The following RELCH variants were observed in gnomAD, a reference collection of about 807,000 sequenced individuals.
The protein encoded by RELCH is RAB11-binding protein RELCH.
A neutral mutation model predicts 150.3 loss-of-function variants in RELCH; 41 were observed. That is an observed-to-expected ratio of 0.27 (90% CI 0.21 to 0.35). The LOEUF (loss-of-function observed/expected upper bound fraction) is 0.35, where lower values mean the gene tolerates loss of function less well. Ranked by LOEUF, RELCH falls within the 10% of genes least tolerant of loss-of-function variation. RELCH has a pLI of 1.00. For synonymous variants in RELCH, 478 were observed against 531.8 expected (o/e 0.90, Z 1.39); for missense variants, 1,092 against 1,467.8 (o/e 0.74, Z 4.18).
chr18:62,275,362 T>C lies in RELCH; in HGVS notation c.2868-12T>C, dbSNP rs1176340336. On this transcript the variant is annotated splice_polypyrimidine_tract_variant and intron_variant, in intron 21 of 28. Coordinates refer to ENST00000644646, the MANE Select transcript of RELCH (RefSeq NM_001346231.2). The stretch of plus-strand genomic sequence containing the variant: ...TCTCAATTTTAACACTGTTTTTTTT[T>C]TTTTCTTCTAGTGCAAACCCAGCCT... 6.7e-7 allele frequency: 1 copy of C among 1,493,080 alleles called. No homozygotes were observed. The highest frequency in any genetic ancestry group is 2.3e-5 in the Admixed American group (1 of 43,250). The allele number at this position is 1,493,080 out of a possible 1,614,324, so 92.5% of individuals were successfully genotyped here. A position where few individuals can be genotyped will look rare whatever the true frequency, so the allele number is the denominator to read the frequency against.
intron 2 of RELCH, 106 bp downstream of exon 2, chr18:62,211,348 T>C: frequency 1.7e-6 from 1 of 595,856 alleles, no homozygotes; most frequent in Non-Finnish European, 2.9e-6. Flanking sequence ...GACTATAACA[T>C]ATATAGTTAT....
chr18:62,189,675 T>A (rs1267580173), intron 1 of RELCH, among the ~76,000 whole-genome samples: 5 of 152,246 alleles, frequency 3.3e-5, no homozygotes, highest in African/African-American at 1.2e-4. Flanking sequence ...TTTCACCCTG[T>A]CTTATTAGGG....
At chr18:62,299,389 C>T (rs772857090) in intron 28 of RELCH, among the ~76,000 whole-genome samples, 7 of 152,226 alleles carry the variant, frequency 4.6e-5, no homozygotes, top group Admixed American at 1.3e-4. Flanking sequence ...ATGAGCTGTA[C>T]GTACTCTTAC....
At chr18:62,265,408 T>C (rs914418570) in intron 18 of RELCH, among the ~76,000 whole-genome samples, 13 of 152,052 alleles carry the variant, frequency 8.5e-5, no homozygotes, top group Non-Finnish European at 1.5e-4. Context: ...AATATTAACA[T>C]TGGAATGTCA....
intron 28 of RELCH, chr18:62,300,160 C>A (rs1032989639): frequency 6.6e-6 from 1 of 152,214 alleles, no homozygotes; most frequent in Non-Finnish European, 1.5e-5. Flanking sequence ...GAGTTTCCCA[C>A]AGTCTGAATT....
intron 15 of RELCH, among the ~76,000 whole-genome samples, chr18:62,261,281 A>C (rs566996309): frequency 4.2e-4 from 64 of 152,136 alleles, no homozygotes; most frequent in Non-Finnish European, 8.2e-4. Flanking sequence ...TCTAATGAAA[A>C]AGTAAAATTA....
At chr18:62,298,891 A>G in intron 28 of RELCH, 31 bp downstream of exon 28, 1 of 1,215,704 alleles carries the variant, frequency 8.2e-7, no homozygotes. Context: ...TTAAGGCTAC[A>G]TGTTAACTTT....
At chr18:62,227,019 C>G (rs2041255199) in intron 5 of RELCH, among the ~76,000 whole-genome samples, 3 of 151,784 alleles carry the variant, frequency 2.0e-5, no homozygotes, top group African/African-American at 7.3e-5. Context: ...AAGACCCCAT[C>G]TCTACAAAAA....
chr18:62,243,437 A>G (rs756344390), intron 10 of RELCH, among the ~76,000 whole-genome samples: 1 of 152,136 alleles, frequency 6.6e-6, no homozygotes, highest in East Asian at 1.9e-4. Context: ...TTCCTTTTCA[A>G]TTATTCACTA....
chr18:62,263,329 T>C (rs927275259), intron 16 of RELCH, among the ~76,000 whole-genome samples: 1 of 152,054 alleles, frequency 6.6e-6, no homozygotes, highest in Admixed American at 6.6e-5. Flanking sequence ...CCTGAACATA[T>C]CCTTCTAATA....
Position 62,309,646 on chromosome 18 carries a change from A to G in RELCH, c.*4112A>G, listed in dbSNP as rs1405957595. On this transcript the variant is annotated 3_prime_UTR_variant, in exon 29 of 29. Coordinates refer to ENST00000644646, the MANE Select transcript of RELCH (RefSeq NM_001346231.2). ...TTCAGTTCAGTGTTATGAGGAATGT[A>G]AACTGTTTGCTTTTCTCCAGAGAGG... 1 of 152,210 alleles carries G rather than the reference A, an allele frequency of 6.6e-6. No homozygotes were observed. The highest frequency in any genetic ancestry group is 1.5e-5 in the Non-Finnish European group (1 of 68,028). 9.4% of individuals were successfully genotyped at this position (152,210 alleles called of 1,614,324 possible).
chr18:62,307,557 T>A lies in RELCH; in HGVS notation c.*2023T>A, dbSNP rs905691793. On this transcript the variant is annotated 3_prime_UTR_variant, in exon 29 of 29. Coordinates refer to ENST00000644646, the MANE Select transcript of RELCH (RefSeq NM_001346231.2). Reference sequence around the variant, plus strand: ...TATCATTAAGATTTCACATTGTGGTTTTGTTTTTTGTTTGTTTGTTTGTTT... The same window carrying A: ...TATCATTAAGATTTCACATTGTGGTATTGTTTTTTGTTTGTTTGTTTGTTT... 21 of 152,240 alleles carry A rather than the reference T, an allele frequency of 1.4e-4. No homozygotes were observed. The highest frequency in any genetic ancestry group is 4.6e-4 in the African/African-American group (19 of 41,566). 9.4% of individuals were successfully genotyped at this position (152,240 alleles called of 1,614,324 possible). A position where few individuals can be genotyped will look rare whatever the true frequency, so the allele number is the denominator to read the frequency against.
rs1286290440 is a variant in RELCH at position 62,282,414 on chromosome 18, C to T, written c.3223C>T (p.Pro1075Ser). ...CATAAAAACATTTGGTAGAGTTGGC[C>T]CTAACGCAGAACCCAGGTTCCGAGA... ...EIIKTFGRVG[P>S]NAEPRFRDEF... The change falls in exon 25 of 29, where the codon CCT becomes TCT. Residue 1075 changes from proline to serine, a missense_variant. By Grantham distance (74) the Pro-to-Ser change is moderately conservative. Around this residue, in one of 4 missense-constraint regions of RELCH, gnomAD observed 707 missense variants for 1,025.4 expected, o/e 0.69. Coordinates refer to ENST00000644646, the MANE Select transcript of RELCH (RefSeq NM_001346231.2). 6.2e-7 allele frequency: 1 copy of T among 1,612,200 alleles called. No individual in the cohort carries two copies. Among genetic ancestry groups the T allele is most frequent in the Non-Finnish European group, 8.5e-7 (1 of 1,179,250 alleles).
intron 10 of RELCH, among the ~76,000 whole-genome samples, chr18:62,240,566 G>A (rs1049216994): frequency 1.3e-4 from 20 of 151,466 alleles, no homozygotes; most frequent in African/African-American, 3.9e-4. Flanking sequence ...ACACCACCAC[G>A]CCCAGCTAAT....
intron 13 of RELCH, among the ~76,000 whole-genome samples, chr18:62,257,545 T>C (rs2043050449): frequency 6.6e-6 from 1 of 151,998 alleles, no homozygotes; most frequent in Non-Finnish European, 1.5e-5. Flanking sequence ...ACGAGAGTCA[T>C]TGTCCATTTG....
intron 8 of RELCH, 124 bp downstream of exon 8, chr18:62,228,722 G>A: frequency 1.4e-6 from 1 of 699,458 alleles, no homozygotes; most frequent in Non-Finnish European, 2.2e-6. Flanking sequence ...TTTTATATTT[G>A]ACATGAACTT....
At chr18:62,285,419 T>C (rs1310152306) in intron 25 of RELCH, 5 of 152,226 alleles carry the variant, frequency 3.3e-5, no homozygotes, top group East Asian at 1.9e-4. Context: ...CTTTATGTTA[T>C]GTATTTCCTC....
intron 27 of RELCH, 54 bp from the exon 28 acceptor site, chr18:62,298,736 C>A: frequency 1.2e-6 from 1 of 819,830 alleles, no homozygotes; most frequent in Non-Finnish European, 2.1e-6. Context: ...TAGATTAAAC[C>A]ATAGTATTTT....
At chr18:62,207,303 A>G (rs1309178321) in intron 1 of RELCH, among the ~76,000 whole-genome samples, 2 of 152,238 alleles carry the variant, frequency 1.3e-5, no homozygotes, top group African/African-American at 4.8e-5. Context: ...TTCAGAGTTC[A>G]TCCATTGTTG....
Sources: gnomAD v4.1 joint callset for allele counts (sites outside exome capture counted in the v4.1 genomes callset) on GRCh38, gnomAD v4.1.1 for gene constraint, gnomAD v4.1.1 regional missense constraint, MANE v1.5 for transcripts, NCBI Gene and HGNC (gene_info 2026-07-23, HGNC 2026-07-21) for gene names.